The following GINS1 variants were observed in gnomAD, a reference collection of about 807,000 sequenced individuals.
GINS1 encodes GINS complex subunit 1.
Under a neutral mutation model 34.9 loss-of-function variants are expected in GINS1, and 26 were observed. That is an observed-to-expected ratio of 0.74 (90% confidence interval 0.55 to 1.03). The LOEUF is 1.03. GINS1 is among the 50% of genes least tolerant of loss of function. The pLI is 0.00. For synonymous variants in GINS1, 97 were observed against 84.4 expected (o/e 1.15, Z -0.82); for missense variants, 235 against 237.9 (o/e 0.99, Z 0.08).
chr20:25,447,119 A>G lies in GINS1; in HGVS notation c.*1128A>G, dbSNP rs981138661. 3 of 151,820 alleles carry G rather than the reference A, an allele frequency of 2.0e-5. No individual in the cohort carries two copies. Among genetic ancestry groups the G allele is most frequent in the Non-Finnish European group, 4.4e-5 (3 of 67,994 alleles). 9.4% of individuals were successfully genotyped at this position (151,820 alleles called of 1,614,324 possible). On this transcript the variant is annotated 3_prime_UTR_variant, in exon 7 of 7. Coordinates refer to ENST00000262460, the MANE Select transcript of GINS1 (RefSeq NM_021067.5). Reference sequence around the variant, plus strand: ...CAGTGGCGTGATCTTGGCTCACTGCAATCTCTATCCCCTGGGTTCAAGTGA... The same window carrying G: ...CAGTGGCGTGATCTTGGCTCACTGCGATCTCTATCCCCTGGGTTCAAGTGA...
chr20:25,425,252 T>C lies in GINS1; in HGVS notation c.372T>C (p.Tyr124=). ...ATTATAAAAGATCTCTTGCTACTTATATGAGGTCACTGGGAGGAGATGAAG... is the reference window on the plus strand; with the variant it reads ...ATTATAAAAGATCTCTTGCTACTTACATGAGGTCACTGGGAGGAGATGAAG... The part of the protein sequence containing the change: ...FNNYKRSLAT[Y]MRSLGGDEGL... Residue 124 remains tyrosine, a synonymous_variant, in exon 5 of 7, where the codon TAT becomes TAC. Transcript: ENST00000262460. 1.3e-6 allele frequency: 2 copies of C among 1,559,450 alleles called. No homozygotes were observed. Among genetic ancestry groups the C allele is most frequent in the Non-Finnish European group, 1.8e-6 (2 of 1,130,642 alleles).
chr20:25,411,780 T>TA (rs1429239126), intron 1 of GINS1, among the ~76,000 whole-genome samples: 6 of 151,944 alleles, frequency 3.9e-5, no homozygotes, highest in Non-Finnish European at 8.8e-5. Context: ...CTGTCTCTAC[T>TA]AAAAATACAA....
chr20:25,424,193 G>A (rs1211011287), intron 4 of GINS1, among the ~76,000 whole-genome samples: 2 of 152,092 alleles, frequency 1.3e-5, no homozygotes, highest in African/African-American at 4.8e-5. Flanking sequence ...CAATTCCACT[G>A]TTGTAATTAC....
intron 5 of GINS1, among the ~76,000 whole-genome samples, chr20:25,431,183 A>G (rs575815350): frequency 6.6e-6 from 1 of 152,200 alleles, no homozygotes; most frequent in South Asian, 2.1e-4. Context: ...TAGGTTTTCC[A>G]ATTTGTTGGT....
chr20:25,428,168 C>A (rs1438738926), intron 5 of GINS1, among the ~76,000 whole-genome samples: 2 of 151,906 alleles, frequency 1.3e-5, no homozygotes, highest in East Asian at 3.9e-4. Flanking sequence ...CCATCGCACC[C>A]GGCCAATTTT....
At chr20:25,439,865 C>G (rs917702941) in intron 5 of GINS1, among the ~76,000 whole-genome samples, 2 of 151,622 alleles carry the variant, frequency 1.3e-5, no homozygotes, top group African/African-American at 4.8e-5. Flanking sequence ...CGTGGTGGCT[C>G]CCTCCTGTAA....
At chr20:25,411,801 G>A (rs1600916763) in intron 1 of GINS1, among the ~76,000 whole-genome samples, 1 of 152,046 alleles carries the variant, frequency 6.6e-6, no homozygotes, top group East Asian at 1.9e-4. Context: ...AAATTAGCTG[G>A]ACGTGATGGG....
intron 5 of GINS1, among the ~76,000 whole-genome samples, chr20:25,434,630 A>G (rs2090444515): frequency 6.6e-6 from 1 of 151,998 alleles, no homozygotes; most frequent in African/African-American, 2.4e-5. Flanking sequence ...CATTTTTTGT[A>G]GAGATGTGAC....
At position 25,446,710 on chromosome 20, in the gene GINS1, A is replaced by G. The variant is rs1410876169; in HGVS notation, c.*719A>G. ...TGGTGTGGCTTGTGGCTATGGGGTGATCACCAGTATCACCACTTTGGAAGG... is the reference window on the plus strand; with the variant it reads ...TGGTGTGGCTTGTGGCTATGGGGTGGTCACCAGTATCACCACTTTGGAAGG... On this transcript the variant is annotated 3_prime_UTR_variant, in exon 7 of 7. Coordinates refer to ENST00000262460, the MANE Select transcript of GINS1 (RefSeq NM_021067.5). 1 of 152,210 alleles carries G rather than the reference A, an allele frequency of 6.6e-6. No individual in the cohort carries two copies. The highest frequency in any genetic ancestry group is 1.5e-5 in the Non-Finnish European group (1 of 68,054). The allele number at this position is 152,210 out of a possible 1,614,324, so 9.4% of individuals were successfully genotyped here.
At chr20:25,416,707 G>C (rs1204883988) in intron 2 of GINS1, among the ~76,000 whole-genome samples, 1 of 152,210 alleles carries the variant, frequency 6.6e-6, no homozygotes, top group Non-Finnish European at 1.5e-5. Flanking sequence ...CACTGGAAGG[G>C]AGGTACTATG....
Position 25,447,022 on chromosome 20 carries a change from TG to T in GINS1, c.*1032del, listed in dbSNP as rs1430040936. On this transcript the variant is annotated 3_prime_UTR_variant, in exon 7 of 7. Transcript: ENST00000262460. ...TTGGTCTATGACCCGTTTTTTTTTT[TG>T]TTTTGTTTTGTTTTTTCGTTTGTTT... is the stretch of plus-strand genomic sequence containing the variant. The T allele has an allele frequency of 3.3e-5, 5 of 151,888 alleles. No individual in the cohort carries two copies. The highest frequency in any genetic ancestry group is 7.4e-5 in the Non-Finnish European group (5 of 67,970). 9.4% of individuals were successfully genotyped at this position (151,888 alleles called of 1,614,324 possible).
rs758457036 is a variant in GINS1 at position 25,445,933 on chromosome 20, C to G, written c.533C>G (p.Pro178Arg). 1 of 1,605,990 alleles carries G rather than the reference C, an allele frequency of 6.2e-7. No individual in the cohort carries two copies. The highest frequency in any genetic ancestry group is 8.5e-7 in the Non-Finnish European group (1 of 1,173,260). The stretch of plus-strand genomic sequence containing the variant: ...TTCTTGTCCCCTCAGCACTTTTTAC[C>G]TCGATGGAAATGTGAGCAGCTGATC... ...LLKKNSQHFL[P>R]RWKCEQLIRQ... The change falls in exon 7 of 7, where the codon CCT (proline) becomes CGT (arginine). Residue 178 changes from proline (P) to arginine (R), a missense_variant. Coordinates refer to ENST00000262460, the MANE Select transcript of GINS1 (RefSeq NM_021067.5).
chr20:25,418,770 A>G (rs547654967), intron 4 of GINS1, among the ~76,000 whole-genome samples: 50 of 152,344 alleles, frequency 3.3e-4, no homozygotes, highest in Middle Eastern at 3.4e-3. Flanking sequence ...ACAAGCTTTG[A>G]TGTCCAGAGT....
At chr20:25,409,718 T>G (rs2146182403) in intron 1 of GINS1, among the ~76,000 whole-genome samples, 1 of 152,348 alleles carries the variant, frequency 6.6e-6, no homozygotes, top group South Asian at 2.1e-4. Context: ...AGCTTCAACT[T>G]GAACACAGGT....
At chr20:25,426,524 T>A (rs1465534779) in intron 5 of GINS1, among the ~76,000 whole-genome samples, 3 of 148,396 alleles carry the variant, frequency 2.0e-5, no homozygotes, top group Non-Finnish European at 4.5e-5. Flanking sequence ...CATTGCACAA[T>A]TTTTTTTTTC....
At chr20:25,440,558 C>A (rs2146222575) in intron 5 of GINS1, among the ~76,000 whole-genome samples, 1 of 152,150 alleles carries the variant, frequency 6.6e-6, no homozygotes, top group Admixed American at 6.5e-5. Context: ...TGCCTGTAAT[C>A]CCAGCACTTT....
chr20:25,437,377 T>C (rs2090459784), intron 5 of GINS1, among the ~76,000 whole-genome samples: 1 of 152,232 alleles, frequency 6.6e-6, no homozygotes, highest in African/African-American at 2.4e-5. Context: ...TACAAGCTAC[T>C]CCAAGAACAC....
intron 5 of GINS1, among the ~76,000 whole-genome samples, chr20:25,425,695 G>C (rs889141217): frequency 2.6e-5 from 4 of 151,876 alleles, no homozygotes; most frequent in Non-Finnish European, 4.4e-5. Flanking sequence ...TGAAACAAAT[G>C]TCAAAACAAA....
intron 2 of GINS1, among the ~76,000 whole-genome samples, chr20:25,416,558 A>G (rs1251410667): frequency 6.6e-6 from 1 of 152,224 alleles, no homozygotes; most frequent in Non-Finnish European, 1.5e-5. Context: ...TATAGGGTAA[A>G]ACCAAAATTT....
Sources: allele counts gnomAD v4.1 joint callset (sites outside exome capture counted in the v4.1 genomes callset), GRCh38; gene constraint gnomAD v4.1.1; transcripts MANE v1.5; gene names NCBI Gene and HGNC (gene_info 2026-07-23, HGNC 2026-07-21).